Variants in GLRA3 observed in about 807,000 individuals in gnomAD.
GLRA3 encodes the protein glycine receptor alpha 3.
In GLRA3, 44 loss-of-function variants were observed where a neutral mutation model predicts 60.4. That is an observed-to-expected ratio of 0.73 (90% CI 0.57 to 0.94). The LOEUF (loss-of-function observed/expected upper bound fraction) is 0.94. Among genes scored for constraint, GLRA3 ranks in the 40% least tolerant of loss-of-function variants. GLRA3 has a pLI of 0.00. For synonymous variants in GLRA3, 223 were observed against 192.9 expected (o/e 1.16, Z -1.29); for missense variants, 508 against 564.6 (o/e 0.90, Z 1.02).
In GLRA3 at chr4:174,715,539, G is replaced by T; in HGVS notation, c.523C>A (p.Leu175Ile). The change falls in exon 5 of 10, where the codon CTC becomes ATC. Residue 175 changes from leucine to isoleucine, a missense_variant. Coordinates refer to ENST00000274093, the MANE Select transcript of GLRA3 (RefSeq NM_006529.4). Reference sequence around the variant, plus strand: ...TGTACATCCATGGGAAAATTCTTGAGATCCATTGGACAGGAAAGTGTTAAT... The same window carrying T: ...TGTACATCCATGGGAAAATTCTTGATATCCATTGGACAGGAAAGTGTTAAT... ...LTLTLSCPMD[L>I]KNFPMDVQTC... 1.3e-6 allele frequency: 2 copies of T among 1,555,164 alleles called. No individual in the cohort carries two copies. The highest frequency in any genetic ancestry group is 8.8e-7 in the Non-Finnish European group (1 of 1,130,308).
intron 7 of GLRA3, among the ~76,000 whole-genome samples, chr4:174,672,151 A>G (rs1054905279): frequency 2.0e-5 from 3 of 152,154 alleles, no homozygotes; most frequent in African/African-American, 7.2e-5. Flanking sequence ...TCAAGGACTC[A>G]TTATTTTTTA....
intron 3 of GLRA3, among the ~76,000 whole-genome samples, chr4:174,764,152 A>G (rs1353253174): frequency 1.3e-5 from 2 of 152,160 alleles, no homozygotes; most frequent in Non-Finnish European, 2.9e-5. Flanking sequence ...TTTGTGCAAG[A>G]AAAATATGAA....
At chr4:174,791,499 T>C (rs1739344545) in intron 1 of GLRA3, among the ~76,000 whole-genome samples, 1 of 152,330 alleles carries the variant, frequency 6.6e-6, no homozygotes, top group Admixed American at 6.5e-5. Flanking sequence ...GAATTTTTCA[T>C]GTCTGTCATG....
At chr4:174,689,767 A>G (rs1188146876) in intron 5 of GLRA3, among the ~76,000 whole-genome samples, 1 of 146,028 alleles carries the variant, frequency 6.8e-6, no homozygotes, top group Non-Finnish European at 1.5e-5. Flanking sequence ...AAAAAAAAAA[A>G]AAAAAAAAAA....
At chr4:174,824,286 T>G (rs1357195923) in intron 1 of GLRA3, among the ~76,000 whole-genome samples, 4 of 152,316 alleles carry the variant, frequency 2.6e-5, no homozygotes, top group East Asian at 1.9e-4. Context: ...GATTAAACTT[T>G]TATTCTAGTA....
intron 2 of GLRA3, among the ~76,000 whole-genome samples, chr4:174,772,802 A>G (rs1738444002): frequency 6.6e-6 from 1 of 152,164 alleles, no homozygotes; most frequent in South Asian, 2.1e-4. Flanking sequence ...AAAAGCATAG[A>G]GACAGAAAAA....
chr4:174,764,220 A>G (rs1212787752), intron 3 of GLRA3, among the ~76,000 whole-genome samples: 1 of 150,918 alleles, frequency 6.6e-6, no homozygotes, highest in Non-Finnish European at 1.5e-5. Context: ...GTAGACTAAT[A>G]GAGAAATTTT....
At chr4:174,646,434 T>C (rs1732818673) in intron 9 of GLRA3, among the ~76,000 whole-genome samples, 1 of 152,190 alleles carries the variant, frequency 6.6e-6, no homozygotes, top group Admixed American at 6.5e-5. Flanking sequence ...TCCTAAAGCA[T>C]CATTTCCTTG....
intron 4 of GLRA3, among the ~76,000 whole-genome samples, chr4:174,727,674 T>C (rs1379027083): frequency 6.6e-6 from 1 of 152,178 alleles, no homozygotes; most frequent in Non-Finnish European, 1.5e-5. Flanking sequence ...TAAGTAGCTA[T>C]TTACTGACTC....
intron 3 of GLRA3, among the ~76,000 whole-genome samples, chr4:174,743,390 CT>C (rs961084352): frequency 3.3e-5 from 5 of 151,914 alleles, no homozygotes; most frequent in Non-Finnish European, 5.9e-5. Flanking sequence ...GCCCCATAGT[CT>C]TTTTTTTCTT....
intron 5 of GLRA3, among the ~76,000 whole-genome samples, chr4:174,697,641 C>A (rs576221092): frequency 5.5e-4 from 84 of 152,294 alleles, no homozygotes; most frequent in South Asian, 3.3e-3. Flanking sequence ...TGACCTATCA[C>A]CATTATCTTA....
At chr4:174,778,116 C>T (rs1175435477) in intron 2 of GLRA3, among the ~76,000 whole-genome samples, 1 of 152,032 alleles carries the variant, frequency 6.6e-6, no homozygotes, top group Admixed American at 6.6e-5. Flanking sequence ...TAACCTGGCC[C>T]TCCAACTCTG....
chr4:174,668,630 A>T (rs1477460440), intron 7 of GLRA3, among the ~76,000 whole-genome samples: 1 of 152,214 alleles, frequency 6.6e-6, no homozygotes, highest in Non-Finnish European at 1.5e-5. Flanking sequence ...TGGATTCTAG[A>T]AATAGAAATT....
At chr4:174,674,760 G>C (rs183537605) in intron 7 of GLRA3, among the ~76,000 whole-genome samples, 59 of 152,136 alleles carry the variant, frequency 3.9e-4, no homozygotes, top group African/African-American at 1.3e-3. Context: ...GTAAATTCTG[G>C]GTGTTTTAGT....
chr4:174,825,908 C>T (rs755104881), intron 1 of GLRA3, among the ~76,000 whole-genome samples: 12 of 152,030 alleles, frequency 7.9e-5, no homozygotes, highest in East Asian at 5.8e-4. Context: ...TTGTATAGTA[C>T]GATAACATTA....
chr4:174,647,129 G>A (rs1197033230), intron 9 of GLRA3, among the ~76,000 whole-genome samples: 1 of 152,184 alleles, frequency 6.6e-6, no homozygotes, highest in Non-Finnish European at 1.5e-5. Flanking sequence ...TTCGGGGGCT[G>A]GGGGCGGAGG....
chr4:174,764,363 G>C (rs1738055358), intron 3 of GLRA3, among the ~76,000 whole-genome samples: 1 of 152,012 alleles, frequency 6.6e-6, no homozygotes, highest in Non-Finnish European at 1.5e-5. Context: ...TAAGATTCTT[G>C]TTAAGCAGAC....
At chr4:174,779,198 G>T (rs1738759176) in intron 2 of GLRA3, among the ~76,000 whole-genome samples, 1 of 152,170 alleles carries the variant, frequency 6.6e-6, no homozygotes, top group Non-Finnish European at 1.5e-5. Context: ...CCCCCAGCAG[G>T]GGCACACTGA....
At position 174,791,083 on chromosome 4, in the gene GLRA3, A is replaced by G. The variant is rs559853415; in HGVS notation, c.72-2140T>C. Reference sequence around the variant, plus strand: ...ATTGTGCACAGAATGTGGGAACGTTATCCTAGATTATCAAGGGCAGTTCTA... The same window carrying G: ...ATTGTGCACAGAATGTGGGAACGTTGTCCTAGATTATCAAGGGCAGTTCTA... On this transcript the variant is annotated intron_variant, in intron 1 of 9. Coordinates refer to ENST00000274093, the MANE Select transcript of GLRA3 (RefSeq NM_006529.4). Among the ~76,000 whole-genome samples, 4 of 152,070 alleles carry G rather than the reference A, an allele frequency of 2.6e-5. No homozygotes were observed. The East Asian group carries it at 5.8e-4, about 22-fold the overall frequency.
Sources: gnomAD v4.1 joint callset for allele counts (sites outside exome capture counted in the v4.1 genomes callset) on GRCh38, gnomAD v4.1.1 for gene constraint, MANE v1.5 for transcripts, NCBI Gene and HGNC (gene_info 2026-07-23, HGNC 2026-07-21) for gene names.